Variants in FNIP1 observed in about 807,000 individuals in gnomAD.
The protein encoded by FNIP1 is folliculin-interacting protein 1.
A neutral mutation model predicts 124.5 loss-of-function variants in FNIP1; 40 were observed. That is an observed-to-expected ratio of 0.32 (90% CI 0.25 to 0.42). The LOEUF (loss-of-function observed/expected upper bound fraction) is 0.42, where lower values mean the gene tolerates loss of function less well. Among genes scored for constraint, FNIP1 ranks in the 10% least tolerant of loss-of-function variants. FNIP1 has a pLI of 1.00. For synonymous variants in FNIP1, 472 were observed against 470.6 expected (o/e 1.00, Z -0.04); for missense variants, 1,176 against 1,403.7 (o/e 0.84, Z 2.59).
At chr5:131,743,837 C>T (rs567846087) in intron 2 of FNIP1, among the ~76,000 whole-genome samples, 1 of 152,254 alleles carries the variant, frequency 6.6e-6, no homozygotes, top group South Asian at 2.1e-4. Context: ...TTGTTTAAGG[C>T]ACCCAGTCTA....
chr5:131,725,484 C>T (rs1022790435), intron 3 of FNIP1, among the ~76,000 whole-genome samples: 4 of 151,942 alleles, frequency 2.6e-5, no homozygotes, highest in East Asian at 1.9e-4. Context: ...AGTTCACTCA[C>T]GATTTGGCTG....
At chr5:131,776,427 T>A (rs551368416) in intron 1 of FNIP1, among the ~76,000 whole-genome samples, 2 of 152,180 alleles carry the variant, frequency 1.3e-5, no homozygotes, top group African/African-American at 4.8e-5. Context: ...GAAAGACATA[T>A]ATAAAAATAT....
At chr5:131,756,773 G>A (rs1771065848) in intron 1 of FNIP1, among the ~76,000 whole-genome samples, 1 of 152,166 alleles carries the variant, frequency 6.6e-6, no homozygotes, top group Non-Finnish European at 1.5e-5. Flanking sequence ...GAGGTGGGTG[G>A]CTTGAATTGG....
intron 14 of FNIP1, 26 bp downstream of exon 14, chr5:131,671,479 A>T: frequency 6.4e-7 from 1 of 1,559,740 alleles, no homozygotes; most frequent in Non-Finnish European, 8.7e-7. Context: ...TATAGGGCCC[A>T]TTATAGGTGA....
intron 1 of FNIP1, among the ~76,000 whole-genome samples, chr5:131,777,934 C>T (rs1771865739): frequency 1.3e-5 from 2 of 152,306 alleles, no homozygotes; most frequent in East Asian, 3.9e-4. Flanking sequence ...CTGTAATCAT[C>T]ACCAATGGAT....
At chr5:131,786,570 A>G (rs1772226828) in intron 1 of FNIP1, among the ~76,000 whole-genome samples, 1 of 152,258 alleles carries the variant, frequency 6.6e-6, no homozygotes, top group African/African-American at 2.4e-5. Flanking sequence ...TTAGAGTGCT[A>G]TAGTTTGAAT....
intron 1 of FNIP1, among the ~76,000 whole-genome samples, chr5:131,760,858 G>T (rs1443740547): frequency 6.8e-6 from 1 of 147,470 alleles, no homozygotes; most frequent in Non-Finnish European, 1.5e-5. Flanking sequence ...TTGATGACAG[G>T]AGGGAAAGAG....
intron 11 of FNIP1, among the ~76,000 whole-genome samples, chr5:131,681,733 A>G (rs1768089691): frequency 6.7e-6 from 1 of 150,212 alleles, no homozygotes; most frequent in Admixed American, 6.7e-5. Flanking sequence ...AAAAAAAGGA[A>G]CACAGAACAA....
intron 1 of FNIP1, among the ~76,000 whole-genome samples, chr5:131,758,516 AT>A (rs1771122117): frequency 6.6e-6 from 1 of 152,202 alleles, no homozygotes; most frequent in Admixed American, 6.5e-5. Flanking sequence ...ATTCACACAA[AT>A]TTATATGCTA....
intron 9 of FNIP1, among the ~76,000 whole-genome samples, chr5:131,705,592 T>A (rs1338843992): frequency 6.6e-6 from 1 of 152,082 alleles, no homozygotes; most frequent in East Asian, 1.9e-4. Flanking sequence ...AGAAAATAAG[T>A]GCTGGTGAAG....
chr5:131,681,634 A>C (rs1768083854), intron 11 of FNIP1, among the ~76,000 whole-genome samples: 2 of 147,508 alleles, frequency 1.4e-5, no homozygotes, highest in African/African-American at 5.1e-5. Context: ...TTATCCAAAA[A>C]TAAGAAAGCA....
chr5:131,654,048 T>G (rs1767122300), intron 15 of FNIP1, among the ~76,000 whole-genome samples: 1 of 152,240 alleles, frequency 6.6e-6, no homozygotes, highest in Non-Finnish European at 1.5e-5. Flanking sequence ...CCCTTATTGT[T>G]TGAATTTTTA....
At position 131,671,706 on chromosome 5, in the gene FNIP1, A is replaced by T; in HGVS notation, c.2738T>A (p.Val913Asp). ...QDQRDTLSIL[V>D]PHGDKESSDK... ...TGAACTCTCTTTATCCCCATGGGGG[A>T]CAAGAATGGAGAGTGTATCTCTTTG... Residue 913 changes from valine to aspartate, a missense_variant, in exon 14 of 18, where the codon GTC becomes GAC. Val to Asp is a radical substitution (Grantham distance 152). Transcript: ENST00000510461. 1 of 1,614,130 alleles carries T rather than the reference A, an allele frequency of 6.2e-7. No homozygotes were observed. The highest frequency in any genetic ancestry group is 8.5e-7 in the Non-Finnish European group (1 of 1,180,034).
Position 131,671,860 on chromosome 5 carries a change from C to A in FNIP1, c.2584G>T (p.Asp862Tyr). 6.2e-7 allele frequency: 1 copy of A among 1,614,042 alleles called. No individual in the cohort carries two copies. Among genetic ancestry groups the A allele is most frequent in the Non-Finnish European group, 8.5e-7 (1 of 1,180,010 alleles). ...VPFKTSTDSK[D>Y]HCCMLEFSKI... is the part of the protein sequence containing the mutation. ...GAAAACTCTAACATACAGCAATGGT[C>A]TTTACTATCTGTACTTGTTTTAAAT... The change falls in exon 14 of 18, where the codon GAC becomes TAC. Residue 862 changes from aspartate to tyrosine, a missense_variant. Physicochemically the swap from Asp to Tyr is radical, Grantham distance 160. Transcript: ENST00000510461.
In FNIP1 at chr5:131,642,753, C is replaced by T. The variant is rs1157326728; in HGVS notation, c.*1932G>A. ...GGGTGTGGTGGCGCACACTTGTAATCCCAGCTACTTGGGGGCTGAGGCAGG... is the reference window on the plus strand; with the variant it reads ...GGGTGTGGTGGCGCACACTTGTAATTCCAGCTACTTGGGGGCTGAGGCAGG... On this transcript the variant is annotated 3_prime_UTR_variant, in exon 18 of 18. Transcript: ENST00000510461. The T allele has an allele frequency of 6.6e-6, 1 of 151,568 alleles. No individual in the cohort carries two copies. Among genetic ancestry groups the T allele is most frequent in the South Asian group, 2.1e-4 (1 of 4,796 alleles). The allele number at this position is 151,568 out of a possible 1,614,324, so 9.4% of individuals were successfully genotyped here. A position where few individuals can be genotyped will look rare whatever the true frequency, so the allele number is the denominator to read the frequency against.
At chr5:131,747,424 G>A (rs898266395) in intron 1 of FNIP1, among the ~76,000 whole-genome samples, 2 of 152,116 alleles carry the variant, frequency 1.3e-5, no homozygotes, top group Non-Finnish European at 2.9e-5. Flanking sequence ...TAGACATCCA[G>A]GCTAAACCAG....
intron 2 of FNIP1, among the ~76,000 whole-genome samples, chr5:131,736,830 C>T (rs1311751920): frequency 6.6e-6 from 1 of 152,018 alleles, no homozygotes; most frequent in Non-Finnish European, 1.5e-5. Flanking sequence ...ATTGTGGTTA[C>T]GTAGAAGAAT....
At chr5:131,677,949 C>T in intron 12 of FNIP1, 77 bp from the exon 13 acceptor site, 1 of 1,474,624 alleles carries the variant, frequency 6.8e-7, no homozygotes, top group Non-Finnish European at 9.2e-7. Flanking sequence ...AAAAAGTAAG[C>T]AAGGGGAGTA....
chr5:131,662,481 C>T (rs1767469279), intron 15 of FNIP1, among the ~76,000 whole-genome samples: 1 of 152,160 alleles, frequency 6.6e-6, no homozygotes, highest in Non-Finnish European at 1.5e-5. Context: ...CCTTTGCAAG[C>T]TTGAAAATGC....
Sources: allele counts gnomAD v4.1 joint callset (sites outside exome capture counted in the v4.1 genomes callset), GRCh38; gene constraint gnomAD v4.1.1; transcripts MANE v1.5; gene names NCBI Gene and HGNC (gene_info 2026-07-23, HGNC 2026-07-21).